The following ZMYM4 variants were observed in gnomAD, a reference collection of about 807,000 sequenced individuals.
The protein encoded by ZMYM4 is zinc finger MYM-type containing 4.
ZMYM4 carries 31 observed loss-of-function variants against 183.2 expected under a neutral mutation model. The observed-to-expected ratio is 0.17, with a 90% CI of 0.13 to 0.23. The LOEUF (loss-of-function observed/expected upper bound fraction) is 0.23, where lower values mean the gene tolerates loss of function less well. ZMYM4 is among the 10% of genes least tolerant of loss of function. The pLI, the probability that ZMYM4 is intolerant of heterozygous loss-of-function variation, is 1.00. For synonymous variants in ZMYM4, 592 were observed against 631.2 expected, an observed-to-expected ratio of 0.94 and a Z score of 0.93; for missense variants, 1,273 against 1,840.3, an observed-to-expected ratio of 0.69 and a Z score of 5.64.
At chr1:35,304,995 G>A (rs752699690) in intron 1 of ZMYM4, among the ~76,000 whole-genome samples, 4 of 152,034 alleles carry the variant, frequency 2.6e-5, no homozygotes, top group South Asian at 4.2e-4. Context: ...ACAGGCATGC[G>A]CTACTACGAC....
chr1:35,286,407 A>G (rs1183374489), intron 1 of ZMYM4, among the ~76,000 whole-genome samples: 1 of 152,140 alleles, frequency 6.6e-6, no homozygotes, highest in Non-Finnish European at 1.5e-5. Flanking sequence ...AGGCTCATCT[A>G]TACATACGCT....
chr1:35,395,597 TATA>T (rs1436897675), intron 18 of ZMYM4, among the ~76,000 whole-genome samples: 1 of 152,222 alleles, frequency 6.6e-6, no homozygotes, highest in Admixed American at 6.5e-5. Flanking sequence ...CTCCTTGACT[TATA>T]ATGTTGTACC....
Position 35,286,896 on chromosome 1 carries a change from A to G in ZMYM4, c.39+17811A>G, listed in dbSNP as rs900818212. On this transcript the variant is annotated intron_variant, in intron 1 of 29. Coordinates refer to ENST00000314607, the MANE Select transcript of ZMYM4 (RefSeq NM_005095.3). Reference sequence around the variant, plus strand: ...CCTCCACCTCTGCCTCCCAAAGATTATAGGTGTGAACCACCCTGCCTGGCC... The same window carrying G: ...CCTCCACCTCTGCCTCCCAAAGATTGTAGGTGTGAACCACCCTGCCTGGCC... Among the ~76,000 whole-genome samples the G allele has an allele frequency of 8.1e-5, 11 of 135,518 alleles. No individual in the cohort carries two copies. In the South Asian group the frequency reaches 2.3e-3, roughly 29 times the overall value. The allele number at this position is 135,518 out of a possible 152,430, so 88.9% of individuals were successfully genotyped here. A position where few individuals can be genotyped will look rare whatever the true frequency, so the allele number is the denominator to read the frequency against.
intron 9 of ZMYM4, 141 bp downstream of exon 9, chr1:35,381,899 C>CAGGG: frequency 9.6e-7 from 1 of 1,043,468 alleles, no homozygotes; most frequent in Non-Finnish European, 1.4e-6. Flanking sequence ...AATCCCAGCA[C>CAGGG]TTTGGGAGGC....
At position 35,333,445 on chromosome 1, in the gene ZMYM4, C is replaced by T. The variant is rs190325444; in HGVS notation, c.85+8040C>T. ...TAATTTTTTGTATTTTTAATAGAGA[C>T]GGGGTTTCACCATGTTGGCCAAGGT... On this transcript the variant is annotated intron_variant, in intron 2 of 29. Transcript: ENST00000314607. Among the ~76,000 whole-genome samples, 530 of 152,004 alleles carry T rather than the reference C, an allele frequency of 3.5e-3. 2 individuals are homozygous for T. Among genetic ancestry groups the T allele is most frequent in the Non-Finnish European group, 4.9e-3 (331 of 67,984 alleles).
intron 25 of ZMYM4, among the ~76,000 whole-genome samples, chr1:35,405,814 G>A (rs888802550): frequency 6.7e-6 from 1 of 148,812 alleles, no homozygotes; most frequent in African/African-American, 2.5e-5. Flanking sequence ...TGCTTCTAAT[G>A]TAGGAATTTT....
intron 1 of ZMYM4, among the ~76,000 whole-genome samples, chr1:35,323,502 G>T (rs1642375520): frequency 6.6e-6 from 1 of 152,010 alleles, no homozygotes; most frequent in Non-Finnish European, 1.5e-5. Context: ...TCATTCTTTG[G>T]CTTACAGAGT....
At chr1:35,339,948 TG>T (rs1195427851) in intron 2 of ZMYM4, among the ~76,000 whole-genome samples, 2 of 152,230 alleles carry the variant, frequency 1.3e-5, no homozygotes, top group African/African-American at 2.4e-5. Flanking sequence ...TTGGACTGTT[TG>T]TTTGTTTATT....
intron 1 of ZMYM4, among the ~76,000 whole-genome samples, chr1:35,277,575 T>C (rs1356621041): frequency 6.6e-6 from 1 of 152,184 alleles, no homozygotes; most frequent in Non-Finnish European, 1.5e-5. Context: ...CCAAATGTAA[T>C]TTATTTTTAA....
Position 35,361,230 on chromosome 1 carries a change from C to T in ZMYM4, c.644C>T (p.Pro215Leu), listed in dbSNP as rs1298407086. The change falls in exon 4 of 30, where the codon CCA (proline) becomes CTA (leucine). Residue 215 changes from proline to leucine, a missense_variant. Pro to Leu is a moderately conservative substitution (Grantham distance 98). Coordinates refer to ENST00000314607, the MANE Select transcript of ZMYM4 (RefSeq NM_005095.3). Reference sequence around the variant, plus strand: ...GAAGAAACATTACATACCCATTTACCACAAACCCCAGAAACAAACTTTAGG... The same window carrying T: ...GAAGAAACATTACATACCCATTTACTACAAACCCCAGAAACAAACTTTAGG... ...QVEETLHTHL[P>L]QTPETNFRDS... 1 of 1,605,154 alleles carries T rather than the reference C, an allele frequency of 6.2e-7. No homozygotes were observed. The highest frequency in any genetic ancestry group is 1.3e-5 in the African/African-American group (1 of 74,340).
chr1:35,352,388 A>ACG, intron 2 of ZMYM4, among the ~76,000 whole-genome samples: 1 of 104,794 alleles, frequency 9.5e-6, no homozygotes, highest in East Asian at 8.3e-4. Context: ...AAATTAGCGC[A>ACG]CACACACACA....
At chr1:35,369,778 AAAT>A (rs1352654201) in intron 5 of ZMYM4, among the ~76,000 whole-genome samples, 3 of 151,954 alleles carry the variant, frequency 2.0e-5, no homozygotes, top group African/African-American at 7.2e-5. Flanking sequence ...GATTTTTCAA[AAAT>A]AATAAATACT....
At chr1:35,335,113 T>G (rs937145850) in intron 2 of ZMYM4, among the ~76,000 whole-genome samples, 6 of 152,144 alleles carry the variant, frequency 3.9e-5, no homozygotes, top group Non-Finnish European at 7.4e-5. Context: ...CATCCTGAAT[T>G]TTGTGTTTAT....
At chr1:35,322,406 TTCTAGGGC>T (rs1423843835) in intron 1 of ZMYM4, among the ~76,000 whole-genome samples, 1 of 152,164 alleles carries the variant, frequency 6.6e-6, no homozygotes, top group Non-Finnish European at 1.5e-5. Flanking sequence ...CTTTTCTATC[TTCTAGGGC>T]TTTTATTTTT....
chr1:35,386,417 G>A (rs1444405559), intron 11 of ZMYM4, among the ~76,000 whole-genome samples: 3 of 152,134 alleles, frequency 2.0e-5, no homozygotes, highest in Non-Finnish European at 4.4e-5. Context: ...TACATGATGG[G>A]CTCAAGAGGA....
chr1:35,371,104 TGTGC>T (rs747633859), intron 7 of ZMYM4, among the ~76,000 whole-genome samples: 19,221 of 117,416 alleles, frequency 0.16, 1,447 homozygotes, highest in African/African-American at 0.31. Context: ...TGTGTGTGTG[TGTGC>T]GCACATTTAT....
chr1:35,295,323 C>G (rs1321690816), intron 1 of ZMYM4, among the ~76,000 whole-genome samples: 2 of 152,060 alleles, frequency 1.3e-5, no homozygotes, highest in African/African-American at 4.8e-5. Context: ...GTAGAAGGAA[C>G]AGCAAGGGCA....
intron 2 of ZMYM4, among the ~76,000 whole-genome samples, chr1:35,345,086 A>G (rs1449139088): frequency 6.6e-6 from 1 of 152,212 alleles, no homozygotes; most frequent in Non-Finnish European, 1.5e-5. Context: ...AAAGTATGGT[A>G]GCCACTGGCA....
At chr1:35,419,374 G>A in intron 29 of ZMYM4, 96 bp from the exon 30 acceptor site, 1 of 1,346,600 alleles carries the variant, frequency 7.4e-7, no homozygotes. Context: ...ACTTTTAATG[G>A]CAAAAACCTC....
Sources: allele counts gnomAD v4.1 joint callset (sites outside exome capture counted in the v4.1 genomes callset), GRCh38; gene constraint gnomAD v4.1.1; transcripts MANE v1.5; gene names NCBI Gene and HGNC (gene_info 2026-07-23, HGNC 2026-07-21).